ADAM12: variants seen among roughly 807,000 people sequenced by gnomAD.
ADAM12 encodes the protein ADAM metallopeptidase domain 12.
In ADAM12, 70 loss-of-function variants were observed where a neutral mutation model predicts 106.4. That is an observed-to-expected ratio of 0.66 (90% CI 0.54 to 0.80). ADAM12 has a LOEUF of 0.80. Ranked by LOEUF, ADAM12 falls within the 30% of genes least tolerant of loss-of-function variation. ADAM12 has a pLI of 0.00. For synonymous variants in ADAM12, 420 were observed against 433.5 expected (o/e 0.97, Z 0.39); for missense variants, 1,010 against 1,171.9 (o/e 0.86, Z 2.02).
chr10:126,205,344 A>C (rs1023857662), intron 3 of ADAM12, among the ~76,000 whole-genome samples: 13 of 145,988 alleles, frequency 8.9e-5, no homozygotes, highest in South Asian at 6.7e-4. Context: ...AAAAAAAAAA[A>C]CAACCAACCC....
Position 126,066,808 on chromosome 10 carries a change from T to C in ADAM12, c.1324-2A>G. 8 of 1,613,184 alleles carry C rather than the reference T, an allele frequency of 5.0e-6. No individual in the cohort carries two copies. Among genetic ancestry groups the C allele is most frequent in the Non-Finnish European group, 6.8e-6 (8 of 1,179,138 alleles). On this transcript the variant is annotated splice_acceptor_variant, in intron 12 of 22. Transcript: ENST00000448723. LOFTEE classifies it high-confidence loss of function. This position sits in a 1 kb window ranked among gnomAD's most constrained non-coding sequence, Gnocchi z 5.1. The stretch of plus-strand genomic sequence containing the variant: ...ATTGCAGCAGCGATTCATACATTCC[T>C]GGAAAGGGGAATGGCATTTGTTTGA...
chr10:126,167,420 T>C (rs1301597315), intron 3 of ADAM12, among the ~76,000 whole-genome samples: 2 of 152,236 alleles, frequency 1.3e-5, no homozygotes, highest in Admixed American at 6.5e-5. Context: ...AATCTCTGTC[T>C]TTGAAAGAAA....
At chr10:126,338,504 G>T (rs898287352) in intron 1 of ADAM12, among the ~76,000 whole-genome samples, 13 of 151,804 alleles carry the variant, frequency 8.6e-5, no homozygotes, top group Non-Finnish European at 1.3e-4. Flanking sequence ...CGCCCGCCTC[G>T]GCCTCCCAAA....
At chr10:126,256,745 AAAG>A (rs1337495762) in intron 3 of ADAM12, among the ~76,000 whole-genome samples, 1 of 152,214 alleles carries the variant, frequency 6.6e-6, no homozygotes, top group Non-Finnish European at 1.5e-5. Flanking sequence ...GAGGGCTTCA[AAAG>A]AATGGAGACA....
intron 2 of ADAM12, among the ~76,000 whole-genome samples, chr10:126,290,923 ATTTTGGTGTAGAATG>A (rs1960121852): frequency 6.6e-6 from 1 of 152,232 alleles, no homozygotes; most frequent in African/African-American, 2.4e-5. Flanking sequence ...AATGTACTTC[ATTTTGGTGTAGAATG>A]TTTTAAGCTA....
At position 126,332,246 on chromosome 10, in the gene ADAM12, G is replaced by A. The variant is rs557712478; in HGVS notation, c.89-1737C>T. Among the ~76,000 whole-genome samples, 258 of 152,260 alleles carry A rather than the reference G, an allele frequency of 1.7e-3. 7 individuals carry two copies. The highest frequency in any genetic ancestry group is 9.8e-3 in the South Asian group (47 of 4,816). On this transcript the variant is annotated intron_variant, in intron 1 of 22. Coordinates refer to ENST00000448723, the MANE Select transcript of ADAM12 (RefSeq NM_001288973.2). ...AAAAAGCCCATTCTTTCTTCTTCAA[G>A]CCAGCAGCCCCAAAGTGAGCCAGCT...
chr10:126,131,554 G>A (rs768405315), intron 5 of ADAM12, among the ~76,000 whole-genome samples: 1 of 152,090 alleles, frequency 6.6e-6, no homozygotes, highest in African/African-American at 2.4e-5. Context: ...AGATCATGAG[G>A]GAAGCCCCAT....
intron 3 of ADAM12, among the ~76,000 whole-genome samples, chr10:126,261,479 C>T (rs60555760): frequency 1.3e-5 from 2 of 152,280 alleles, no homozygotes; most frequent in African/African-American, 4.8e-5. Context: ...AATTGGCAAT[C>T]TAGTTCAGTG....
rs182765597 is a variant in ADAM12 at position 126,224,330 on chromosome 10, C to T, written c.260+54585G>A. 2.7e-4 allele frequency among the ~76,000 whole-genome samples: 41 copies of T among 152,312 alleles called. No individual in the cohort carries two copies. The East Asian group carries it at 7.9e-3, about 29-fold the overall frequency. Reference sequence around the variant, plus strand: ...GGGAGTCCCAGGAGAAAGAAGAGCTCCAGCTGGACACACCTCCAGCTCTGG... The same window carrying T: ...GGGAGTCCCAGGAGAAAGAAGAGCTTCAGCTGGACACACCTCCAGCTCTGG... On this transcript the variant is annotated intron_variant, in intron 3 of 22. Transcript: ENST00000448723.
At chr10:126,119,413 G>A (rs1461874599) in intron 5 of ADAM12, among the ~76,000 whole-genome samples, 1 of 152,112 alleles carries the variant, frequency 6.6e-6, no homozygotes, top group Non-Finnish European at 1.5e-5. Context: ...CTTGAGAGAT[G>A]GTAGCTTTCT....
chr10:126,188,131 C>T (rs1356049461), intron 3 of ADAM12, among the ~76,000 whole-genome samples: 4 of 152,258 alleles, frequency 2.6e-5, no homozygotes, highest in Non-Finnish European at 5.9e-5. Flanking sequence ...TCACTGTTTG[C>T]TGTCCTCTTC....
At chr10:126,023,249 T>TGTAG (rs1212863504) in intron 21 of ADAM12, among the ~76,000 whole-genome samples, 6 of 152,322 alleles carry the variant, frequency 3.9e-5, no homozygotes, top group African/African-American at 7.2e-5. Flanking sequence ...TAAACCCTAA[T>TGTAG]GTAGGTATCA....
intron 2 of ADAM12, among the ~76,000 whole-genome samples, chr10:126,282,661 C>A (rs541380256): frequency 6.0e-4 from 92 of 152,256 alleles, no homozygotes; most frequent in African/African-American, 2.1e-3. Context: ...CATCTATTTT[C>A]ATTGCTATGT....
At chr10:126,143,542 G>A (rs1956564557) in intron 4 of ADAM12, among the ~76,000 whole-genome samples, 1 of 151,226 alleles carries the variant, frequency 6.6e-6, no homozygotes, top group East Asian at 2.0e-4. Context: ...CATGTGTATG[G>A]GTATGCACGC....
At chr10:126,290,274 C>G (rs1960089408) in intron 2 of ADAM12, among the ~76,000 whole-genome samples, 2 of 152,316 alleles carry the variant, frequency 1.3e-5, no homozygotes, top group Admixed American at 6.5e-5. Context: ...GGTTCTCCCC[C>G]AGAGCCTCCA....
rs184154462 is a variant in ADAM12 at position 126,071,390 on chromosome 10, G to T, written c.1323+87C>A. The T allele has an allele frequency of 4.0e-3, 5,971 of 1,492,954 alleles. 92 individuals carry two copies. Among genetic ancestry groups the T allele is most frequent in the South Asian group, 0.029 (2,278 of 79,656 alleles). The allele number at this position is 1,492,954 out of a possible 1,614,324, so 92.5% of individuals were successfully genotyped here. Reference sequence around the variant, plus strand: ...TTCCTGAGTTCTAGTACTTTCATCTGGCTGTACAGTTCCTCCAAGTTCTCT... The same window carrying T: ...TTCCTGAGTTCTAGTACTTTCATCTTGCTGTACAGTTCCTCCAAGTTCTCT... On this transcript the variant is annotated intron_variant, in intron 12 of 22. Transcript: ENST00000448723.
intron 6 of ADAM12, among the ~76,000 whole-genome samples, chr10:126,116,547 T>C (rs1191223084): frequency 6.6e-6 from 1 of 151,958 alleles, no homozygotes. Flanking sequence ...CTCTGTTCCT[T>C]GGGATTAGGA....
chr10:126,142,912 TG>T (rs1369295428), intron 4 of ADAM12, among the ~76,000 whole-genome samples: 1 of 152,090 alleles, frequency 6.6e-6, no homozygotes, highest in African/African-American at 2.4e-5. Context: ...TGCATGTGCA[TG>T]GGTATGTATA....
intron 11 of ADAM12, among the ~76,000 whole-genome samples, chr10:126,091,410 A>ATTCACC (rs1277078741): frequency 2.6e-5 from 4 of 152,298 alleles, no homozygotes; most frequent in Non-Finnish European, 4.4e-5. Context: ...TTTGTGATTA[A>ATTCACC]TTCACCTACT....
Sources: allele counts gnomAD v4.1 joint callset (sites outside exome capture counted in the v4.1 genomes callset), GRCh38; gene constraint gnomAD v4.1.1; non-coding constraint Gnocchi (gnomAD v3.1); transcripts MANE v1.5; gene names NCBI Gene and HGNC (gene_info 2026-07-23, HGNC 2026-07-21).